The following SPEF2 variants were observed in gnomAD, a reference collection of about 807,000 sequenced individuals.
SPEF2 encodes the protein sperm flagella and cilia-associated protein 2.
A neutral mutation model predicts 224.6 loss-of-function variants in SPEF2; 187 were observed. That is an observed-to-expected ratio of 0.83 (90% CI 0.74 to 0.94). The LOEUF (loss-of-function observed/expected upper bound fraction) is 0.94. Among genes scored for constraint, SPEF2 ranks in the 40% least tolerant of loss-of-function variants. The pLI is 0.00. For synonymous variants in SPEF2, 715 were observed against 707.3 expected (o/e 1.01, Z -0.17); for missense variants, 2,170 against 2,135.6 (o/e 1.02, Z -0.32).
At position 35,657,489 on chromosome 5, in the gene SPEF2, C is replaced by T. The variant is rs561952599; in HGVS notation, c.979-1530C>T. ...GGTGTCACTGGGTATGGAATGGAAT[C>T]GGGGGGGTGGTTTAAAAACATACCT... On this transcript the variant is annotated intron_variant, in intron 7 of 36. Transcript: ENST00000356031. Among the ~76,000 whole-genome samples, 9 of 151,546 alleles carry T rather than the reference C, an allele frequency of 5.9e-5. No individual in the cohort carries two copies. In the South Asian group the frequency reaches 1.0e-3, roughly 18 times the overall value.
At chr5:35,660,175 A>G (rs1749515290) in intron 8 of SPEF2, among the ~76,000 whole-genome samples, 3 of 152,098 alleles carry the variant, frequency 2.0e-5, no homozygotes. Context: ...AAAAAAATAG[A>G]TTGATTTTAT....
At chr5:35,807,110 C>A (rs756453829) in intron 35 of SPEF2, 21 bp from the exon 36 acceptor site, 16 of 1,597,834 alleles carry the variant, frequency 1.0e-5, no homozygotes, top group Middle Eastern at 1.7e-4. Flanking sequence ...TGATTAACTT[C>A]ATTTTTTTTC....
intron 13 of SPEF2, among the ~76,000 whole-genome samples, chr5:35,695,218 A>G (rs1255764631): frequency 6.7e-6 from 1 of 150,170 alleles, no homozygotes; most frequent in African/African-American, 2.4e-5. Context: ...TACATATTCT[A>G]TTATACATTA....
chr5:35,713,356 C>CAATA (rs1741593119), intron 20 of SPEF2, among the ~76,000 whole-genome samples: 1 of 152,096 alleles, frequency 6.6e-6, no homozygotes, highest in African/African-American at 2.4e-5. Flanking sequence ...TTTTTGCCAT[C>CAATA]TATTTTTAGT....
intron 10 of SPEF2, among the ~76,000 whole-genome samples, chr5:35,674,040 A>T (rs1206432271): frequency 6.6e-6 from 1 of 152,240 alleles, no homozygotes; most frequent in Non-Finnish European, 1.5e-5. Context: ...ACACAAGCAC[A>T]GTGATAGATT....
chr5:35,748,365 A>T (rs193187603), intron 23 of SPEF2, among the ~76,000 whole-genome samples: 9 of 152,272 alleles, frequency 5.9e-5, no homozygotes, highest in African/African-American at 2.2e-4. Flanking sequence ...AACAAAAAAA[A>T]TACAAAAGAC....
rs1435441804 is a variant in SPEF2 at position 35,659,101 on chromosome 5, A to C, written c.1061A>C (p.His354Pro). 6.2e-7 allele frequency: 1 copy of C among 1,613,222 alleles called. No individual in the cohort carries two copies. Among genetic ancestry groups the C allele is most frequent in the Non-Finnish European group, 8.5e-7 (1 of 1,179,564 alleles). Residue 354 changes from histidine to proline, a missense_variant, in exon 8 of 37, where the codon CAT becomes CCT. Coordinates refer to ENST00000356031, the MANE Select transcript of SPEF2 (RefSeq NM_024867.4). Reference sequence around the variant, plus strand: ...CGCAGGATTGCCGTGCAGCTCATGCATGTTCGGCATGAAAAGGAAGTTTTA... The same window carrying C: ...CGCAGGATTGCCGTGCAGCTCATGCCTGTTCGGCATGAAAAGGAAGTTTTA... Reference protein sequence around the residue: ...QERRIAVQLMHVRHEKEVLWQ... With the variant: ...QERRIAVQLMPVRHEKEVLWQ...
At chr5:35,754,380 G>A (rs1403412794) in intron 24 of SPEF2, among the ~76,000 whole-genome samples, 1 of 152,174 alleles carries the variant, frequency 6.6e-6, no homozygotes, top group Non-Finnish European at 1.5e-5. Context: ...GTTTTTAAGA[G>A]CTGAAGTAGG....
chr5:35,696,409 A>G (rs759898178), intron 14 of SPEF2, among the ~76,000 whole-genome samples: 17 of 152,234 alleles, frequency 1.1e-4, no homozygotes, highest in Non-Finnish European at 2.4e-4. Flanking sequence ...CAAACTGTAA[A>G]CAAGATGAGC....
intron 5 of SPEF2, among the ~76,000 whole-genome samples, chr5:35,648,763 T>C (rs1359367137): frequency 8.5e-5 from 13 of 152,080 alleles, no homozygotes; most frequent in Non-Finnish European, 1.8e-4. Context: ...TAAAGAAATA[T>C]TTGACTTTGG....
chr5:35,803,387 A>C (rs569830805), intron 34 of SPEF2, among the ~76,000 whole-genome samples: 2 of 152,170 alleles, frequency 1.3e-5, no homozygotes, highest in African/African-American at 4.8e-5. Flanking sequence ...TAGTGTTCCT[A>C]CCCGGGAAGC....
At chr5:35,706,049 T>TAA (rs34350879) in intron 18 of SPEF2, among the ~76,000 whole-genome samples, 115 of 127,730 alleles carry the variant, frequency 9.0e-4, no homozygotes, top group African/African-American at 3.0e-3. Context: ...TGTTTTCACA[T>TAA]AAAAAAAAAA....
At position 35,641,682 on chromosome 5, in the gene SPEF2, A is replaced by T. The variant is rs747414982; in HGVS notation, c.413A>T (p.Glu138Val). ...LQNMKSDTFQ[E>V]RLRHMIPRQT... ...AACATGAAAAGTGATACTTTTCAAG[A>T]GGTAGGTACATAAAAAAGCATAATA... Residue 138 changes from glutamate to valine, a missense_variant and splice_region_variant, in exon 3 of 37, where the codon GAG becomes GTG. Physicochemically the swap from Glu to Val is moderately radical, Grantham distance 121. Transcript: ENST00000356031. 1.9e-6 allele frequency: 3 copies of T among 1,609,976 alleles called. No homozygotes were observed. The highest frequency in any genetic ancestry group is 3.4e-5 in the Admixed American group (2 of 59,262).
At position 35,727,661 on chromosome 5, in the gene SPEF2, T is replaced by A; in HGVS notation, c.2915-14T>A. On this transcript the variant is annotated splice_polypyrimidine_tract_variant and intron_variant, in intron 20 of 36. Coordinates refer to ENST00000356031, the MANE Select transcript of SPEF2 (RefSeq NM_024867.4). ...ATTTACTTGTATTGGAATAATTTGA[T>A]ATGCATGTTTAAGGTTCTCCTAAAG... 1 of 1,608,432 alleles carries A rather than the reference T, an allele frequency of 6.2e-7. No homozygotes were observed. Among genetic ancestry groups the A allele is most frequent in the Non-Finnish European group, 8.5e-7 (1 of 1,176,176 alleles).
At chr5:35,660,503 G>T (rs1749555456) in intron 8 of SPEF2, among the ~76,000 whole-genome samples, 1 of 152,194 alleles carries the variant, frequency 6.6e-6, no homozygotes, top group African/African-American at 2.4e-5. Flanking sequence ...AGGGAGGAGA[G>T]TGTTGCTTTT....
chr5:35,789,767 A>C, intron 30 of SPEF2: 1 of 701,300 alleles, frequency 1.4e-6, no homozygotes, highest in Non-Finnish European at 2.6e-6. Context: ...AGTTTCTTTT[A>C]TATATGTGAC....
chr5:35,771,709 T>C lies in SPEF2; in HGVS notation c.3902T>C (p.Val1301Ala), dbSNP rs1413634632. 6.9e-6 allele frequency: 11 copies of C among 1,600,110 alleles called. No individual in the cohort carries two copies. Among genetic ancestry groups the C allele is most frequent in the Non-Finnish European group, 8.5e-6 (10 of 1,176,594 alleles). The change falls in exon 27 of 37, where the codon GTC (valine) becomes GCC (alanine). Residue 1301 changes from valine to alanine, a missense_variant. Transcript: ENST00000356031. ...CCTCAGATGGGTGCAAATAAAAAAG[T>C]CAAAAAGGAGCCACCCAAGAAAAAA... Reference protein sequence around the residue: ...KSPQMGANKKVKKEPPKKKQE... With the variant: ...KSPQMGANKKAKKEPPKKKQE...
intron 9 of SPEF2, among the ~76,000 whole-genome samples, chr5:35,669,796 G>A (rs1264101408): frequency 1.3e-5 from 2 of 151,986 alleles, no homozygotes; most frequent in African/African-American, 4.8e-5. Context: ...GTCCTCCTGT[G>A]CAAAACGAAC....
chr5:35,661,983 A>C (rs1199044402), intron 8 of SPEF2, among the ~76,000 whole-genome samples: 2 of 152,108 alleles, frequency 1.3e-5, no homozygotes, highest in Non-Finnish European at 2.9e-5. Context: ...CTGCCTGTAG[A>C]TCTTTGAGGA....
Sources: allele counts gnomAD v4.1 joint callset (sites outside exome capture counted in the v4.1 genomes callset), GRCh38; gene constraint gnomAD v4.1.1; transcripts MANE v1.5; gene names NCBI Gene and HGNC (gene_info 2026-07-23, HGNC 2026-07-21).